The following SLC35F4 variants were observed in gnomAD, a reference collection of about 807,000 sequenced individuals.
SLC35F4 encodes the protein chromosome 14 open reading frame 36.
SLC35F4 carries 24 observed loss-of-function variants against 44.2 expected under a neutral mutation model. The observed-to-expected ratio is 0.54, with a 90% CI of 0.39 to 0.76. The LOEUF (loss-of-function observed/expected upper bound fraction) is 0.76, where lower values mean the gene tolerates loss of function less well. Among genes scored for constraint, SLC35F4 ranks in the 30% least tolerant of loss-of-function variants. SLC35F4 has a pLI of 0.00. For synonymous variants in SLC35F4, 238 were observed against 223.6 expected (o/e 1.06, Z -0.57); for missense variants, 562 against 586.1 (o/e 0.96, Z 0.42).
At chr14:57,849,985 C>A (rs920247032) in intron 1 of SLC35F4, among the ~76,000 whole-genome samples, 3 of 152,170 alleles carry the variant, frequency 2.0e-5, no homozygotes, top group African/African-American at 7.2e-5. Flanking sequence ...GAAGCAGTGC[C>A]TTTATCAAAT....
intron 1 of SLC35F4, among the ~76,000 whole-genome samples, chr14:57,947,240 G>A (rs982693603): frequency 5.1e-5 from 7 of 136,896 alleles, no homozygotes; most frequent in Admixed American, 4.5e-4. Flanking sequence ...GGTGCTGGTG[G>A]TGGGTTTTTT....
At chr14:57,804,879 G>T (rs1483894672) in intron 1 of SLC35F4, among the ~76,000 whole-genome samples, 1 of 151,988 alleles carries the variant, frequency 6.6e-6, no homozygotes, top group Non-Finnish European at 1.5e-5. Context: ...TCTCACAAAG[G>T]TCTAATATCC....
intron 1 of SLC35F4, among the ~76,000 whole-genome samples, chr14:57,671,293 C>T (rs1462358691): frequency 6.6e-6 from 1 of 151,958 alleles, no homozygotes; most frequent in South Asian, 2.1e-4. Context: ...ATCACCCCTC[C>T]CTTAACCTCA....
chr14:57,958,460 G>C (rs1238811540), intron 1 of SLC35F4, among the ~76,000 whole-genome samples: 1 of 151,224 alleles, frequency 6.6e-6, no homozygotes, highest in Non-Finnish European at 1.5e-5. Context: ...CAAATCCTCA[G>C]AGATGCAAAG....
intron 1 of SLC35F4, among the ~76,000 whole-genome samples, chr14:57,834,151 T>C (rs539759124): frequency 1.1e-4 from 17 of 152,300 alleles, no homozygotes; most frequent in Admixed American, 3.9e-4. Flanking sequence ...GAACAAGTCA[T>C]GAAGCATGAC....
At chr14:57,976,775 C>G (rs560620195) in exon 2 of SLC35F4, 81 of 152,304 alleles carry the variant, frequency 5.3e-4, no homozygotes, top group African/African-American at 1.9e-3. Context: ...ACTTCTCAAC[C>G]TTTATCAGTA....
At chr14:57,634,597 A>G (rs2072937627) in intron 1 of SLC35F4, among the ~76,000 whole-genome samples, 1 of 152,168 alleles carries the variant, frequency 6.6e-6, no homozygotes, top group African/African-American at 2.4e-5. Context: ...CGAGGAATTC[A>G]CAGGTGAGAT....
chr14:57,820,597 C>T (rs1883074935), intron 1 of SLC35F4, among the ~76,000 whole-genome samples: 1 of 152,214 alleles, frequency 6.6e-6, no homozygotes, highest in Admixed American at 6.5e-5. Context: ...TCTGTAATGC[C>T]ACAAACTACA....
chr14:57,646,638 C>G (rs111777878), intron 1 of SLC35F4, among the ~76,000 whole-genome samples: 22,994 of 151,916 alleles, frequency 0.15, 1,820 homozygotes, highest in East Asian at 0.22. Context: ...CTGCTCTGAT[C>G]TTAGTTATTT....
intron 1 of SLC35F4, among the ~76,000 whole-genome samples, chr14:57,746,727 T>C (rs2076764183): frequency 2.0e-5 from 3 of 152,306 alleles, no homozygotes; most frequent in South Asian, 4.1e-4. Flanking sequence ...GTTGGTTGAT[T>C]GGTTGTTTTT....
At chr14:57,890,630 C>T (rs930523942) in intron 1 of SLC35F4, among the ~76,000 whole-genome samples, 2 of 152,152 alleles carry the variant, frequency 1.3e-5, no homozygotes, top group Non-Finnish European at 2.9e-5. Context: ...CTGAAACACA[C>T]AAGCTCTTTT....
intron 3 of SLC35F4, among the ~76,000 whole-genome samples, chr14:57,585,472 G>C (rs1035374436): frequency 6.6e-6 from 1 of 152,108 alleles, no homozygotes; most frequent in African/African-American, 2.4e-5. Flanking sequence ...ATTCAACATA[G>C]TATTGGAAGT....
chr14:57,719,012 T>A (rs2076012623), intron 1 of SLC35F4, among the ~76,000 whole-genome samples: 1 of 152,214 alleles, frequency 6.6e-6, no homozygotes, highest in South Asian at 2.1e-4. Context: ...AAGATTTTTG[T>A]ATAAGGCAAG....
intron 1 of SLC35F4, among the ~76,000 whole-genome samples, chr14:57,694,784 G>T (rs1023071571): frequency 2.6e-5 from 4 of 151,882 alleles, no homozygotes; most frequent in African/African-American, 9.7e-5. Context: ...ATTCTTATTT[G>T]ATTTTTGATG....
chr14:57,577,823 T>C (rs2068907748), intron 4 of SLC35F4, among the ~76,000 whole-genome samples: 1 of 152,202 alleles, frequency 6.6e-6, no homozygotes, highest in South Asian at 2.1e-4. Flanking sequence ...CAAAAAATTA[T>C]CTTTTAAAGA....
At chr14:57,691,680 T>A (rs1300983813) in intron 1 of SLC35F4, among the ~76,000 whole-genome samples, 2 of 152,204 alleles carry the variant, frequency 1.3e-5, no homozygotes, top group Non-Finnish European at 2.9e-5. Flanking sequence ...TCAACTAATA[T>A]TTATTTAGTG....
chr14:57,567,384 G>C (rs2068258696), intron 6 of SLC35F4, among the ~76,000 whole-genome samples: 1 of 152,188 alleles, frequency 6.6e-6, no homozygotes, highest in Non-Finnish European at 1.5e-5. Context: ...TCAATTCAGA[G>C]ATCTCCATGA....
chr14:57,896,198 C>T (rs2141042264), intron 1 of SLC35F4, among the ~76,000 whole-genome samples: 1 of 152,180 alleles, frequency 6.6e-6, no homozygotes, highest in Non-Finnish European at 1.5e-5. Context: ...AGGAGCTAAT[C>T]AGTAATTTAG....
chr14:57,839,569 G>A (rs1476346797), intron 1 of SLC35F4, among the ~76,000 whole-genome samples: 1 of 152,068 alleles, frequency 6.6e-6, no homozygotes, highest in Admixed American at 6.6e-5. Flanking sequence ...CGGGGAGTGG[G>A]GAGGAAAAAC....
Sources: allele counts gnomAD v4.1 joint callset (sites outside exome capture counted in the v4.1 genomes callset), GRCh38; gene constraint gnomAD v4.1.1; transcripts MANE v1.5; gene names NCBI Gene and HGNC (gene_info 2026-07-23, HGNC 2026-07-21).